Variants in DRC4 observed in about 807,000 individuals in gnomAD.
DRC4 encodes the protein dynein regulatory complex subunit 4.
the DRC4 span, among the ~76,000 whole-genome samples, chr16:90,020,597 C>T: frequency 1.3e-5 from 2 of 152,226 alleles, no homozygotes; most frequent in African/African-American, 4.8e-5. Context: ...AGAAAAGGCT[C>T]TTTTCTAAAA....
At chr16:90,025,813 A>G in the DRC4 span, among the ~76,000 whole-genome samples, 1 of 151,252 alleles carries the variant, frequency 6.6e-6, no homozygotes. Flanking sequence ...GTTTGAACCC[A>G]AGAGGTGGAG....
chr16:90,030,094 C>T, the DRC4 span, among the ~76,000 whole-genome samples: 1 of 152,092 alleles, frequency 6.6e-6, no homozygotes, highest in Non-Finnish European at 1.5e-5. Flanking sequence ...CCCGAGAAAG[C>T]TGGAAGCCTG....
At chr16:90,031,261 C>T in the DRC4 span, 7 of 1,609,198 alleles carry the variant, frequency 4.3e-6, no homozygotes, top group Non-Finnish European at 5.9e-6. Flanking sequence ...GCATGGGCCC[C>T]TGCTCAGTGC....
At chr16:90,021,505 A>AC in the DRC4 span, among the ~76,000 whole-genome samples, 69 of 150,838 alleles carry the variant, frequency 4.6e-4, no homozygotes, top group African/African-American at 1.6e-3. Context: ...TGCAACCTCC[A>AC]CCTCCAGGGC....
At chr16:90,043,893 C>A in the DRC4 span, 1 of 455,022 alleles carries the variant, frequency 2.2e-6, no homozygotes, top group Non-Finnish European at 4.6e-6. Flanking sequence ...GGCAGGCAGC[C>A]TCCCGCTGCC....
At chr16:90,040,864 C>T in the DRC4 span, among the ~76,000 whole-genome samples, 21 of 151,324 alleles carry the variant, frequency 1.4e-4, no homozygotes, top group East Asian at 2.2e-3. Context: ...CATGGGGGAA[C>T]GACGGGTCCC....
At chr16:90,030,773 T>C in the DRC4 span, among the ~76,000 whole-genome samples, 1 of 152,032 alleles carries the variant, frequency 6.6e-6, no homozygotes, top group Non-Finnish European at 1.5e-5. Flanking sequence ...CGTGCCATCA[T>C]GCCTAGTTAA....
the DRC4 span, chr16:90,037,450 C>G: frequency 1.9e-6 from 3 of 1,558,338 alleles, no homozygotes; most frequent in Non-Finnish European, 2.6e-6. Context: ...CTTGCCTAGG[C>G]TCAGGAGGGA....
At chr16:90,036,283 C>T in the DRC4 span, 3 of 1,057,722 alleles carry the variant, frequency 2.8e-6, no homozygotes, top group Non-Finnish European at 4.2e-6. Context: ...GTTCTGACCA[C>T]AGTGGGCGTT....
the DRC4 span, chr16:90,029,998 CTG>C: frequency 6.6e-6 from 1 of 152,268 alleles, no homozygotes; most frequent in Non-Finnish European, 1.5e-5. Flanking sequence ...ACCTCATGAT[CTG>C]CCTGTCTCTG....
the DRC4 span, among the ~76,000 whole-genome samples, chr16:90,041,145 A>G: frequency 6.6e-6 from 1 of 152,212 alleles, no homozygotes; most frequent in African/African-American, 2.4e-5. Context: ...AGCCACCGAA[A>G]TGAGGGTGAA....
the DRC4 span, chr16:90,042,795 C>T: frequency 4.5e-3 from 2,401 of 533,840 alleles, 9 homozygotes; most frequent in Admixed American, 7.7e-3. Context: ...CTGGTCAGCC[C>T]CTTCCCCTGG....
At chr16:90,024,186 C>T in the DRC4 span, among the ~76,000 whole-genome samples, 1 of 150,286 alleles carries the variant, frequency 6.7e-6, no homozygotes, top group African/African-American at 2.4e-5. Context: ...TGGTACGCAC[C>T]TATAGTCCCA....
At chr16:90,037,319 C>T in the DRC4 span, 1 of 1,613,966 alleles carries the variant, frequency 6.2e-7, no homozygotes, top group East Asian at 2.2e-5. Flanking sequence ...CCTGGCAGAC[C>T]CTCTCCAGAA....
chr16:90,040,609 C>T, the DRC4 span: 46 of 1,105,374 alleles, frequency 4.2e-5, 1 homozygote, highest in African/African-American at 2.8e-4. Flanking sequence ...AGAGACCCCT[C>T]GGTCGGCCAC....
chr16:90,036,863 C>T, the DRC4 span: 1 of 598,446 alleles, frequency 1.7e-6, no homozygotes, highest in Non-Finnish European at 3.0e-6. Context: ...TCAGATGGAA[C>T]CGCAGTGAGG....
chr16:90,042,204 G>A, the DRC4 span: 1 of 528,612 alleles, frequency 1.9e-6, no homozygotes, highest in Admixed American at 2.2e-5. Flanking sequence ...CCACACTGCT[G>A]GGATCACAGG....
the DRC4 span, among the ~76,000 whole-genome samples, chr16:90,027,223 C>G: frequency 6.6e-6 from 1 of 151,330 alleles, no homozygotes; most frequent in African/African-American, 2.4e-5. Flanking sequence ...GTAGCTGGGA[C>G]TACAGGCGCC....
At chr16:90,042,613 A>T in the DRC4 span, 2 of 1,242,672 alleles carry the variant, frequency 1.6e-6, no homozygotes, top group East Asian at 2.4e-5. Context: ...GTCTCTGAGG[A>T]CCCCACCTGT....
Sources: allele counts gnomAD v4.1 joint callset (sites outside exome capture counted in the v4.1 genomes callset), GRCh38; gene constraint gnomAD v4.1.1; transcripts MANE v1.5; gene names NCBI Gene and HGNC (gene_info 2026-07-23, HGNC 2026-07-21).